Variants in RGMA observed in about 807,000 individuals in gnomAD.
RGMA encodes repulsive guidance molecule BMP co-receptor a.
RGMA carries 10 observed loss-of-function variants against 23.2 expected under a neutral mutation model. The observed-to-expected ratio is 0.43, with a 90% CI of 0.27 to 0.73. The LOEUF (loss-of-function observed/expected upper bound fraction) is 0.73. Among genes scored for constraint, RGMA ranks in the 30% least tolerant of loss-of-function variants. RGMA has a pLI of 0.20. For synonymous variants in RGMA, 308 were observed against 279.3 expected (o/e 1.10, Z -1.03); for missense variants, 547 against 630.5 (o/e 0.87, Z 1.42).
intron 2 of RGMA, among the ~76,000 whole-genome samples, chr15:93,068,474 A>C (rs1895225369): frequency 6.6e-6 from 1 of 152,010 alleles, no homozygotes; most frequent in African/African-American, 2.4e-5. Context: ...ACCTCTCCCC[A>C]GCTCCCATCC....
chr15:93,056,294 G>T (rs2055012764), intron 2 of RGMA, among the ~76,000 whole-genome samples: 1 of 152,238 alleles, frequency 6.6e-6, no homozygotes, highest in Non-Finnish European at 1.5e-5. Context: ...AAGTTTCAGA[G>T]AAGGGGGCTG....
chr15:93,065,254 G>A (rs1895104177), intron 2 of RGMA, among the ~76,000 whole-genome samples: 1 of 151,916 alleles, frequency 6.6e-6, no homozygotes, highest in Admixed American at 6.6e-5. Flanking sequence ...TGGGGGCCGG[G>A]AGAAAACAAA....
rs765700230 is a variant in RGMA, at chr15:93,045,639, C to T, written c.712G>A (p.Glu238Lys). ...DQKVYQAEMD[E>K]LPAAFVDGSK... is the part of the protein sequence containing the mutation. ...CCATCCACGAAGGCGGCCGGGAGCT[C>T]GTCCATCTCAGCCTGGTACACCTTC... Residue 238 changes from glutamate to lysine, a missense_variant, in exon 4 of 4, where the codon GAG becomes AAG. Glu to Lys is a moderately conservative substitution (Grantham distance 56). Around this residue, in one of 3 missense-constraint regions of RGMA, gnomAD observed 128 missense variants for 191.7 expected, o/e 0.67. Coordinates refer to ENST00000329082, the MANE Select transcript of RGMA (RefSeq NM_020211.3). The surrounding 1 kb of genome is among the most constrained non-coding windows in gnomAD (Gnocchi z 6.9). The T allele has an allele frequency of 4.3e-5, 70 of 1,611,510 alleles. No homozygotes were observed. The South Asian group carries it at 6.0e-4, about 14-fold the overall frequency.
intron 3 of RGMA, among the ~76,000 whole-genome samples, chr15:93,046,240 T>G (rs1479400270): frequency 1.3e-5 from 2 of 152,104 alleles, no homozygotes; most frequent in African/African-American, 4.8e-5. Flanking sequence ...GAGGGAGATT[T>G]GACTAACTAG....
At chr15:93,073,673 C>CT in intron 1 of RGMA, 1 of 1,537,264 alleles carries the variant, frequency 6.5e-7, no homozygotes, top group South Asian at 1.2e-5. Flanking sequence ...TCCGAGTTGT[C>CT]TAGGTCTGGG....
At chr15:93,050,499 T>A (rs1027337194) in intron 3 of RGMA, among the ~76,000 whole-genome samples, 1 of 152,166 alleles carries the variant, frequency 6.6e-6, no homozygotes, top group Non-Finnish European at 1.5e-5. Context: ...GGCCTTCGGT[T>A]GCAGCAGAAA....
At chr15:93,059,237 C>T (rs1019045399) in intron 2 of RGMA, among the ~76,000 whole-genome samples, 10 of 152,160 alleles carry the variant, frequency 6.6e-5, no homozygotes, top group African/African-American at 9.7e-5. Context: ...AAGCATGATG[C>T]GGGTCTCCTA....
intron 2 of RGMA, among the ~76,000 whole-genome samples, chr15:93,057,736 G>A (rs1434708818): frequency 6.6e-6 from 1 of 152,120 alleles, no homozygotes; most frequent in African/African-American, 2.4e-5. Context: ...GAGACCAAAG[G>A]ACCAGATTGA....
chr15:93,053,110 G>A (rs2054955541), intron 2 of RGMA, among the ~76,000 whole-genome samples: 1 of 152,202 alleles, frequency 6.6e-6, no homozygotes, highest in Non-Finnish European at 1.5e-5. Context: ...GTTAGCCCTG[G>A]CCATAGAGGA....
chr15:93,088,473 C>T (rs1161790150), intron 1 of RGMA: 2 of 987,878 alleles, frequency 2.0e-6, no homozygotes, highest in Non-Finnish European at 2.4e-6. Context: ...GCCGACATCC[C>T]CGAGGGCAGG....
chr15:93,084,045 A>C (rs1312414716), intron 1 of RGMA, among the ~76,000 whole-genome samples: 2 of 152,236 alleles, frequency 1.3e-5, no homozygotes, highest in Non-Finnish European at 2.9e-5. Context: ...AACAAATGTT[A>C]ATTATTATTT....
rs1392095758 is a variant in RGMA at position 93,073,702 on chromosome 15, C to G, written c.15-671G>C. ...GTCTGGGCAGGATGGCTCTCTGCAT[C>G]TCAGCTACTAACGCACCTCGAGGTT... On this transcript the variant is annotated intron_variant, in intron 1 of 3. Coordinates refer to ENST00000329082, the MANE Select transcript of RGMA (RefSeq NM_020211.3). 8 of 1,537,146 alleles carry G rather than the reference C, an allele frequency of 5.2e-6. No homozygotes were observed. The Admixed American group carries it at 7.8e-5, about 15-fold the overall frequency.
At position 93,036,183 on chromosome 15, in the gene RGMA, C is replaced by T. The variant is rs891962044; in HGVS notation, c.*8815G>A. On this transcript the variant is annotated 3_prime_UTR_variant, in exon 4 of 4. Coordinates refer to ENST00000329082, the MANE Select transcript of RGMA (RefSeq NM_020211.3). ...ATTCGAGCGACCACAGCTGTACTGC[C>T]GACATCAAGCATAGCCCCCCAGCTC... 2.0e-5 allele frequency: 3 copies of T among 152,190 alleles called. No homozygotes were observed. Among genetic ancestry groups the T allele is most frequent in the African/African-American group, 4.8e-5 (2 of 41,434 alleles). 9.4% of individuals were successfully genotyped at this position (152,190 alleles called of 1,614,324 possible).
At chr15:93,075,280 GTTTT>G (rs950360121) in intron 1 of RGMA, among the ~76,000 whole-genome samples, 1 of 151,466 alleles carries the variant, frequency 6.6e-6, no homozygotes, top group Admixed American at 6.6e-5. Context: ...ACATACAGTA[GTTTT>G]TTTTTCCAAA....
Position 93,045,830 on chromosome 15 carries a change from C to T in RGMA, c.646-125G>A. Reference sequence around the variant, plus strand: ...TCCCCAGGGATGCCCCAGACACTCCCTTCTCCAGGTTGGACAGATCAGTTC... The same window carrying T: ...TCCCCAGGGATGCCCCAGACACTCCTTTCTCCAGGTTGGACAGATCAGTTC... On this transcript the variant is annotated intron_variant, in intron 3 of 3. Coordinates refer to ENST00000329082, the MANE Select transcript of RGMA (RefSeq NM_020211.3). This position sits in a 1 kb window ranked among gnomAD's most constrained non-coding sequence, Gnocchi z 6.9. The T allele has an allele frequency of 1.5e-6, 1 of 687,672 alleles. No homozygotes were observed. The highest frequency in any genetic ancestry group is 2.5e-6 in the Non-Finnish European group (1 of 399,588). The allele number at this position is 687,672 out of a possible 1,614,324, so 42.6% of individuals were successfully genotyped here.
In RGMA at chr15:93,045,481, C is replaced by T. The variant is rs200517133; in HGVS notation, c.870G>A (p.Leu290=). 4 of 1,613,218 alleles carry T rather than the reference C, an allele frequency of 2.5e-6. No homozygotes were observed. Among genetic ancestry groups the T allele is most frequent in the East Asian group, 2.2e-5 (1 of 44,864 alleles). The change falls in exon 4 of 4, where the codon CTG becomes CTA. Residue 290 remains leucine (L), a synonymous_variant. Transcript: ENST00000329082. This position sits in a 1 kb window ranked among gnomAD's most constrained non-coding sequence, Gnocchi z 6.9. ...TIVVRQVGRY[L]TFAVRMPEEV... ...CCTCTGGCATGCGGACGGCAAAGGT[C>T]AGGTAGCGGCCCACCTGGCGCACCA...
Position 93,036,269 on chromosome 15 carries a change from G to C in RGMA, c.*8729C>G, listed in dbSNP as rs969305794. ...GAATGTGCCCCCAAATCCAGACTAC[G>C]ACCAGCCACATCGGGGGTGGCCTAC... On this transcript the variant is annotated 3_prime_UTR_variant, in exon 4 of 4. Coordinates refer to ENST00000329082, the MANE Select transcript of RGMA (RefSeq NM_020211.3). 6.6e-6 allele frequency: 1 copy of C among 152,198 alleles called. No individual in the cohort carries two copies. Among genetic ancestry groups the C allele is most frequent in the East Asian group, 1.9e-4 (1 of 5,192 alleles). The allele number at this position is 152,198 out of a possible 1,614,324, so 9.4% of individuals were successfully genotyped here. A position where few individuals can be genotyped will look rare whatever the true frequency, so the allele number is the denominator to read the frequency against.
chr15:93,056,233 C>T (rs77966013), intron 2 of RGMA, among the ~76,000 whole-genome samples: 12,893 of 152,206 alleles, frequency 0.085, 626 homozygotes, highest in African/African-American at 0.11. Flanking sequence ...CGGGCCAGCC[C>T]GGAGTGTGTG....
Position 93,071,927 on chromosome 15 carries a change from C to CG in RGMA, c.130+988dup, listed in dbSNP as rs572232861. 4.4e-3 allele frequency among the ~76,000 whole-genome samples: 663 copies of CG among 152,110 alleles called. 5 individuals are homozygous for CG. The highest frequency in any genetic ancestry group is 0.014 in the African/African-American group (568 of 41,470). The stretch of plus-strand genomic sequence containing the variant: ...ACGGCTGGGAGATCCCGCCTTGCGC[C>CG]GGGGGGGCCATTTGGCCCGTGACAT... On this transcript the variant is annotated intron_variant, in intron 2 of 3. Transcript: ENST00000329082.
Sources: gnomAD v4.1 joint callset for allele counts (sites outside exome capture counted in the v4.1 genomes callset) on GRCh38, gnomAD v4.1.1 for gene constraint, gnomAD v4.1.1 regional missense constraint, Gnocchi (gnomAD v3.1) non-coding constraint, MANE v1.5 for transcripts, NCBI Gene and HGNC (gene_info 2026-07-23, HGNC 2026-07-21) for gene names.